AGO2: variants seen among roughly 807,000 people sequenced by gnomAD.
AGO2 encodes argonaute RISC catalytic component 2, also known as protein argonaute-2.
A neutral mutation model predicts 102.3 loss-of-function variants in AGO2; 5 were observed. That is an observed-to-expected ratio of 0.05 (90% confidence interval 0.03 to 0.10). The LOEUF is 0.10. AGO2 is among the 10% of genes least tolerant of loss of function. The probability of loss-of-function intolerance (pLI) is 1.00; values close to 1 mark genes in which losing one functional copy is unlikely to be tolerated. For synonymous variants in AGO2, 449 were observed against 473.1 expected (o/e 0.95, Z 0.66); for missense variants, 541 against 1,183.7 (o/e 0.46, Z 7.97).
chr8:140,637,012 A>C (rs2074414697), upstream of AGO2: 1 of 152,186 alleles, frequency 6.6e-6, no homozygotes, highest in Non-Finnish European at 1.5e-5. Flanking sequence ...GAAGGTGCTT[A>C]CTCTAAGTGT....
At chr8:140,575,469 C>T (rs2073450487) in intron 2 of AGO2, among the ~76,000 whole-genome samples, 1 of 152,216 alleles carries the variant, frequency 6.6e-6, no homozygotes, top group South Asian at 2.1e-4. Flanking sequence ...CGGAGGCCCT[C>T]ATCTCCCTGG....
rs1255014254 is a variant in AGO2, at chr8:140,595,858, T to A, written c.23-10547A>T. On this transcript the variant is annotated intron_variant, in intron 1 of 18. Coordinates refer to ENST00000220592, the MANE Select transcript of AGO2 (RefSeq NM_012154.5). ...ACAATTGTATATATTATATTTATAT[T>A]ATATACAATTGTATATTATATAATA... 1.2e-3 allele frequency among the ~76,000 whole-genome samples: 32 copies of A among 25,794 alleles called. 1 individual carries two copies. Among genetic ancestry groups the A allele is most frequent in the Non-Finnish European group, 1.5e-3 (20 of 13,600 alleles). 16.9% of individuals were successfully genotyped at this position (25,794 alleles called of 152,430 possible). A position where few individuals can be genotyped will look rare whatever the true frequency, so the allele number is the denominator to read the frequency against.
intron 17 of AGO2, among the ~76,000 whole-genome samples, chr8:140,533,122 G>T (rs560664336): frequency 8.2e-4 from 125 of 152,066 alleles, no homozygotes; most frequent in South Asian, 2.7e-3. Context: ...GGGCCCGGTG[G>T]CTCACACCTG....
intron 1 of AGO2, among the ~76,000 whole-genome samples, chr8:140,619,387 C>T (rs142534299): frequency 2.8e-4 from 43 of 152,304 alleles, no homozygotes; most frequent in African/African-American, 8.7e-4. Flanking sequence ...CTAGACGCAA[C>T]GACACAAGAG....
Position 140,589,383 on chromosome 8 carries a change from T to C in AGO2, c.23-4072A>G, listed in dbSNP as rs961269727. ...AACCACAGGCCCGGGTCAGCACCCA[T>C]AGGCTGCGCAGCTGCCACCTGAGCT... On this transcript the variant is annotated intron_variant, in intron 1 of 18. Coordinates refer to ENST00000220592, the MANE Select transcript of AGO2 (RefSeq NM_012154.5). The surrounding 1 kb of genome is among the most constrained non-coding windows in gnomAD (Gnocchi z 4.2). Among the ~76,000 whole-genome samples the C allele has an allele frequency of 2.6e-5, 4 of 151,620 alleles. No individual in the cohort carries two copies. Among genetic ancestry groups the C allele is most frequent in the African/African-American group, 7.3e-5 (3 of 41,260 alleles).
intron 1 of AGO2, among the ~76,000 whole-genome samples, chr8:140,598,079 G>C (rs1053640859): frequency 6.6e-6 from 1 of 152,238 alleles, no homozygotes; most frequent in Non-Finnish European, 1.5e-5. Flanking sequence ...ACCCAGGAGG[G>C]TGAGAAAGGA....
Position 140,560,628 on chromosome 8 carries a change from C to T in AGO2, c.519-118G>A, listed in dbSNP as rs572084658. On this transcript the variant is annotated intron_variant, in intron 4 of 18. Transcript: ENST00000220592. ...CCCTCATCAGAGTTCCGTTTCCCCTCCTTTTAAATCCACGTTTACCACACG... is the reference window on the plus strand; with the variant it reads ...CCCTCATCAGAGTTCCGTTTCCCCTTCTTTTAAATCCACGTTTACCACACG... 1.6e-4 allele frequency: 201 copies of T among 1,240,546 alleles called. 2 individuals are homozygous for T. The South Asian group carries it at 1.8e-3, about 11-fold the overall frequency. The allele number at this position is 1,240,546 out of a possible 1,614,324, so 76.8% of individuals were successfully genotyped here.
At chr8:140,630,907 C>A (rs768100990) in intron 1 of AGO2, among the ~76,000 whole-genome samples, 1 of 152,116 alleles carries the variant, frequency 6.6e-6, no homozygotes, top group African/African-American at 2.4e-5. Context: ...AAAACACCTT[C>A]GCTGGGCATG....
chr8:140,632,318 C>T (rs534534655), intron 1 of AGO2, among the ~76,000 whole-genome samples: 1 of 152,346 alleles, frequency 6.6e-6, no homozygotes, highest in East Asian at 1.9e-4. Flanking sequence ...GTCAACTGCC[C>T]CACGGGTAGA....
At chr8:140,538,240 T>C (rs2072731791) in intron 16 of AGO2, among the ~76,000 whole-genome samples, 1 of 152,238 alleles carries the variant, frequency 6.6e-6, no homozygotes, top group Admixed American at 6.5e-5. Flanking sequence ...GCCGTGCCTG[T>C]AGGGAGTCTA....
intron 1 of AGO2, among the ~76,000 whole-genome samples, chr8:140,603,953 C>T (rs534730756): frequency 7.3e-4 from 111 of 152,370 alleles, no homozygotes; most frequent in African/African-American, 2.5e-3. Context: ...ACTCCTGCCT[C>T]CCGGGGATGA....
chr8:140,549,890 C>T (rs552600586), intron 11 of AGO2, among the ~76,000 whole-genome samples: 4 of 152,292 alleles, frequency 2.6e-5, no homozygotes, highest in South Asian at 4.1e-4. Flanking sequence ...GGCAGGGCAG[C>T]GGCTTCTATT....
intron 13 of AGO2, among the ~76,000 whole-genome samples, chr8:140,546,960 C>T (rs2072911848): frequency 1.3e-5 from 2 of 152,230 alleles, no homozygotes; most frequent in South Asian, 4.1e-4. Context: ...GCGGTCAGCC[C>T]TGGGCCTCTG....
rs907665303 is a variant in AGO2, at chr8:140,589,788, C to T, written c.23-4477G>A. Among the ~76,000 whole-genome samples, 5 of 152,120 alleles carry T rather than the reference C, an allele frequency of 3.3e-5. No homozygotes were observed. The highest frequency in any genetic ancestry group is 1.2e-4 in the African/African-American group (5 of 41,420). Reference sequence around the variant, plus strand: ...CAATGGCACAGCAGCCACCGAGATCCGTGCCATCAGCACGAGCCGCAGAAC... The same window carrying T: ...CAATGGCACAGCAGCCACCGAGATCTGTGCCATCAGCACGAGCCGCAGAAC... On this transcript the variant is annotated intron_variant, in intron 1 of 18. Coordinates refer to ENST00000220592, the MANE Select transcript of AGO2 (RefSeq NM_012154.5). The surrounding 1 kb of genome is among the most constrained non-coding windows in gnomAD (Gnocchi z 4.2).
intron 1 of AGO2, among the ~76,000 whole-genome samples, chr8:140,629,027 G>A (rs1271125017): frequency 6.6e-6 from 1 of 152,142 alleles, no homozygotes; most frequent in African/African-American, 2.4e-5. Context: ...GGAGGCGGAG[G>A]TTGCAGTGGG....
intron 1 of AGO2, among the ~76,000 whole-genome samples, chr8:140,588,955 G>A (rs2073705807): frequency 6.6e-6 from 1 of 152,238 alleles, no homozygotes; most frequent in African/African-American, 2.4e-5. Flanking sequence ...CTCACACAGT[G>A]AAAGGGAAAA....
chr8:140,541,511 C>CAAA, intron 14 of AGO2, 153 bp from the exon 15 acceptor site: 1 of 688,138 alleles, frequency 1.5e-6, no homozygotes, highest in Non-Finnish European at 2.3e-6. Context: ...GGTGTGAACT[C>CAAA]AGCCTTTAGG....
chr8:140,552,738 GCGCACA>G (rs1314173468), intron 10 of AGO2, among the ~76,000 whole-genome samples: 8 of 97,342 alleles, frequency 8.2e-5, no homozygotes, highest in South Asian at 3.0e-4. Context: ...ACGCGCGCGC[GCGCACA>G]CACACACACA....
intron 16 of AGO2, 136 bp from the exon 17 acceptor site, chr8:140,535,705 TAGG>T: frequency 1.4e-6 from 1 of 700,982 alleles, no homozygotes; most frequent in Non-Finnish European, 2.6e-6. Context: ...AGGTCCTCGG[TAGG>T]ATAGTGTTAC....
Sources: gnomAD v4.1 joint callset for allele counts (sites outside exome capture counted in the v4.1 genomes callset) on GRCh38, gnomAD v4.1.1 for gene constraint, Gnocchi (gnomAD v3.1) non-coding constraint, MANE v1.5 for transcripts, NCBI Gene and HGNC (gene_info 2026-07-23, HGNC 2026-07-21) for gene names.